Variants in SLC9A9 observed in about 807,000 individuals in gnomAD.
SLC9A9 encodes the protein sodium/hydrogen exchanger 9.
A neutral mutation model predicts 77.8 loss-of-function variants in SLC9A9; 62 were observed. That is an observed-to-expected ratio of 0.80 (90% CI 0.65 to 0.98). The LOEUF (loss-of-function observed/expected upper bound fraction) is 0.98, where lower values mean the gene tolerates loss of function less well. Among genes scored for constraint, SLC9A9 ranks in the 50% least tolerant of loss-of-function variants. The pLI is 0.00. For synonymous variants in SLC9A9, 320 were observed against 283.5 expected (o/e 1.13, Z -1.29); for missense variants, 775 against 774.9 (o/e 1.00, Z 0.00).
intron 9 of SLC9A9, among the ~76,000 whole-genome samples, chr3:143,525,625 A>G (rs1378968947): frequency 2.6e-5 from 4 of 152,174 alleles, no homozygotes; most frequent in Non-Finnish European, 4.4e-5. Context: ...ACCTTGCAGC[A>G]TATTTCTGAG....
intron 8 of SLC9A9, among the ~76,000 whole-genome samples, chr3:143,557,674 T>C (rs113102138): frequency 0.055 from 8,437 of 152,268 alleles, 410 homozygotes; most frequent in African/African-American, 0.13. Flanking sequence ...CAAAGGTGAC[T>C]CTTGCTATGC....
chr3:143,517,548 C>A, intron 9 of SLC9A9: 1 of 1,597,628 alleles, frequency 6.3e-7, no homozygotes, highest in South Asian at 1.1e-5. Flanking sequence ...ATTTTCTGTG[C>A]CCTAGGTTGA....
At chr3:143,431,283 G>A (rs940071392) in intron 12 of SLC9A9, among the ~76,000 whole-genome samples, 9 of 152,078 alleles carry the variant, frequency 5.9e-5, no homozygotes, top group Non-Finnish European at 1.0e-4. Flanking sequence ...CTCCAGCTTC[G>A]TTTATGCCAC....
intron 9 of SLC9A9, among the ~76,000 whole-genome samples, chr3:143,538,357 A>G (rs930146841): frequency 3.9e-5 from 6 of 152,190 alleles, no homozygotes; most frequent in African/African-American, 1.4e-4. Flanking sequence ...AAATCAGTAC[A>G]AAGGGGAAGA....
chr3:143,443,376 C>T (rs1470716638), intron 12 of SLC9A9, among the ~76,000 whole-genome samples: 4 of 151,844 alleles, frequency 2.6e-5, no homozygotes, highest in South Asian at 2.1e-4. Context: ...TGTTTTAAGA[C>T]GTAATCTCAT....
intron 12 of SLC9A9, among the ~76,000 whole-genome samples, chr3:143,450,255 T>C (rs2034981033): frequency 7.0e-6 from 1 of 143,472 alleles, no homozygotes; most frequent in Non-Finnish European, 1.5e-5. Flanking sequence ...TTATATATTG[T>C]AACATAAAAA....
At chr3:143,305,266 C>T (rs2030730715) in intron 14 of SLC9A9, among the ~76,000 whole-genome samples, 2 of 152,154 alleles carry the variant, frequency 1.3e-5, no homozygotes, top group South Asian at 4.2e-4. Context: ...CCTCTTAACC[C>T]CCTCACTGAA....
At chr3:143,605,080 T>G (rs533342376) in intron 6 of SLC9A9, among the ~76,000 whole-genome samples, 56 of 152,234 alleles carry the variant, frequency 3.7e-4, no homozygotes, top group African/African-American at 1.3e-3. Flanking sequence ...ATGTTCATAT[T>G]TACTACAAGT....
intron 4 of SLC9A9, among the ~76,000 whole-genome samples, chr3:143,722,405 G>A (rs538355068): frequency 3.5e-5 from 5 of 144,234 alleles, no homozygotes; most frequent in East Asian, 4.2e-4. Flanking sequence ...CCAGGGAGGC[G>A]GAGCTTGCAG....
rs73867700 is a variant in SLC9A9 at position 143,644,790 on chromosome 3, C to A, written c.755+7465G>T. Among the ~76,000 whole-genome samples, 1,199 of 152,026 alleles carry A rather than the reference C, an allele frequency of 7.9e-3. 11 individuals carry two copies. Among genetic ancestry groups the A allele is most frequent in the African/African-American group, 0.027 (1,107 of 41,460 alleles). On this transcript the variant is annotated intron_variant, in intron 6 of 15. Coordinates refer to ENST00000316549, the MANE Select transcript of SLC9A9 (RefSeq NM_173653.4). ...TTTTTTTTTTTTTAATTATGTATCA[C>A]CCCAGTATCTAGACAGGCATCAAAA... is the stretch of plus-strand genomic sequence containing the variant.
At chr3:143,747,867 AC>A (rs1935232207) in intron 4 of SLC9A9, among the ~76,000 whole-genome samples, 1 of 152,068 alleles carries the variant, frequency 6.6e-6, no homozygotes, top group Admixed American at 6.5e-5. Flanking sequence ...TACATTATAG[AC>A]CTCCTTAGGA....
chr3:143,500,328 G>C (rs1209188658), intron 9 of SLC9A9, among the ~76,000 whole-genome samples: 3 of 152,008 alleles, frequency 2.0e-5, no homozygotes, highest in Non-Finnish European at 4.4e-5. Context: ...ATGTTATTAG[G>C]AAATTGTGTT....
chr3:143,743,212 TGG>T (rs1367590938), intron 4 of SLC9A9, among the ~76,000 whole-genome samples: 5 of 103,734 alleles, frequency 4.8e-5, no homozygotes, highest in African/African-American at 2.0e-4. Context: ...GATAGATGGA[TGG>T]ATGGATGGAT....
chr3:143,426,520 T>C (rs1266203977), intron 12 of SLC9A9, among the ~76,000 whole-genome samples: 1 of 152,232 alleles, frequency 6.6e-6, no homozygotes, highest in Admixed American at 6.5e-5. Flanking sequence ...GCAATTTTTC[T>C]AGCCTTTTTG....
chr3:143,348,820 C>T (rs957068624), intron 14 of SLC9A9, among the ~76,000 whole-genome samples: 4 of 152,080 alleles, frequency 2.6e-5, no homozygotes, highest in African/African-American at 4.8e-5. Context: ...GCTTTGGGTA[C>T]GGGGGAGTTG....
chr3:143,609,765 T>A (rs560295219), intron 6 of SLC9A9, among the ~76,000 whole-genome samples: 7 of 152,342 alleles, frequency 4.6e-5, no homozygotes, highest in Non-Finnish European at 8.8e-5. Context: ...ATATTAGATA[T>A]CTTTCCACAT....
chr3:143,608,192 T>C (rs754180698), intron 6 of SLC9A9, among the ~76,000 whole-genome samples: 41 of 152,324 alleles, frequency 2.7e-4, no homozygotes, highest in Non-Finnish European at 4.7e-4. Flanking sequence ...TACCTAAAAG[T>C]CATCAATAGC....
At position 143,693,212 on chromosome 3, in the gene SLC9A9, A is replaced by G. The variant is rs749717205; in HGVS notation, c.629T>C (p.Leu210Pro). The G allele has an allele frequency of 1.1e-5, 18 of 1,613,128 alleles. No homozygotes were observed. The highest frequency in any genetic ancestry group is 1.2e-5 in the Non-Finnish European group (14 of 1,179,352). The change falls in exon 5 of 16, where the codon CTG becomes CCG. Residue 210 changes from leucine (L) to proline (P), a missense_variant. Transcript: ENST00000316549. ...HFTDCLFFGS[L>P]MSATDPVTVL... ...ATTACCTGGATCTGTAGCAGACATC[A>G]GTGAACCAAAAAATAAACAGTCAGT...
At chr3:143,771,638 G>T (rs1424095300) in intron 4 of SLC9A9, among the ~76,000 whole-genome samples, 1 of 152,176 alleles carries the variant, frequency 6.6e-6, no homozygotes, top group Non-Finnish European at 1.5e-5. Flanking sequence ...TAAACTGCAG[G>T]AAACACCTTA....
Sources: allele counts gnomAD v4.1 joint callset (sites outside exome capture counted in the v4.1 genomes callset), GRCh38; gene constraint gnomAD v4.1.1; transcripts MANE v1.5; gene names NCBI Gene and HGNC (gene_info 2026-07-23, HGNC 2026-07-21).